Variants in CAMTA1 observed in about 807,000 individuals in gnomAD.
The protein encoded by CAMTA1 is calmodulin-binding transcription activator 1.
Under a neutral mutation model 170.9 loss-of-function variants are expected in CAMTA1, and 27 were observed. The observed-to-expected ratio is 0.16, with a 90% confidence interval of 0.12 to 0.22. The LOEUF (loss-of-function observed/expected upper bound fraction) is 0.22, where lower values mean the gene tolerates loss of function less well. CAMTA1 is among the 10% of genes least tolerant of loss of function. The pLI is 1.00. For missense variants in CAMTA1, 1,619 were observed against 2,217.2 expected (o/e 0.73, Z 5.42); for synonymous variants, 833 against 891.5 (o/e 0.93, Z 1.17).
In CAMTA1 at chr1:7,738,991, T is replaced by C. The variant is rs2096790827; in HGVS notation, c.4182+509T>C. Among the ~76,000 whole-genome samples the C allele has an allele frequency of 6.6e-6, 1 of 152,210 alleles. No individual in the cohort carries two copies. Among genetic ancestry groups the C allele is most frequent in the Admixed American group, 6.5e-5 (1 of 15,286 alleles). On this transcript the variant is annotated intron_variant, in intron 16 of 22. Coordinates refer to ENST00000303635, the MANE Select transcript of CAMTA1 (RefSeq NM_015215.4). This position sits in a 1 kb window ranked among gnomAD's most constrained non-coding sequence, Gnocchi z 4.9. The stretch of plus-strand genomic sequence containing the variant: ...AGCGAAATATTCCTGAAGCTGATAA[T>C]TGATTGCCCTTATAATAAATCTAAA...
chr1:7,207,660 G>T (rs1432651255), intron 4 of CAMTA1, among the ~76,000 whole-genome samples: 1 of 152,064 alleles, frequency 6.6e-6, no homozygotes, highest in Non-Finnish European at 1.5e-5. Flanking sequence ...GTCCAGTTGT[G>T]GCCTTGACTC....
chr1:7,132,938 AT>A (rs1374853293), intron 4 of CAMTA1, among the ~76,000 whole-genome samples: 3 of 152,126 alleles, frequency 2.0e-5, no homozygotes, highest in Non-Finnish European at 4.4e-5. Context: ...TTAAACCTAC[AT>A]TTTATCAGCC....
intron 4 of CAMTA1, among the ~76,000 whole-genome samples, chr1:7,131,285 A>G (rs1645237676): frequency 6.6e-6 from 1 of 152,124 alleles, no homozygotes; most frequent in Non-Finnish European, 1.5e-5. Context: ...TCATTTGAAG[A>G]GAAAAGGTTT....
chr1:7,722,304 G>A (rs1433504139), intron 11 of CAMTA1, among the ~76,000 whole-genome samples: 1 of 152,204 alleles, frequency 6.6e-6, no homozygotes, highest in Non-Finnish European at 1.5e-5. Context: ...TTTAAAGTGA[G>A]TCCCTTTGAA....
chr1:7,406,599 C>T (rs1231406682), intron 5 of CAMTA1, among the ~76,000 whole-genome samples: 2 of 151,886 alleles, frequency 1.3e-5, no homozygotes, highest in Admixed American at 6.6e-5. Context: ...CACAAGCACA[C>T]ACGGATGTAC....
At chr1:7,362,635 G>C (rs1188863615) in intron 5 of CAMTA1, among the ~76,000 whole-genome samples, 1 of 152,034 alleles carries the variant, frequency 6.6e-6, no homozygotes, top group African/African-American at 2.4e-5. Context: ...AATAGAGTGA[G>C]TGAACTTGGG....
intron 4 of CAMTA1, among the ~76,000 whole-genome samples, chr1:7,104,939 C>T (rs910734623): frequency 2.0e-5 from 3 of 152,146 alleles, no homozygotes; most frequent in Non-Finnish European, 4.4e-5. Flanking sequence ...AAAAATCTCT[C>T]CCTTCACTTT....
At position 7,299,754 on chromosome 1, in the gene CAMTA1, G is replaced by T. The variant is rs2149543881; in HGVS notation, c.438+50128G>T. The stretch of plus-strand genomic sequence containing the variant: ...AGGAGGTGTTCCAACCCCTCACTGA[G>T]ACAGGATTTCTAGCCCCTCTCTTTG... On this transcript the variant is annotated intron_variant, in intron 5 of 22. Transcript: ENST00000303635. This position sits in a 1 kb window ranked among gnomAD's most constrained non-coding sequence, Gnocchi z 4.7. Among the ~76,000 whole-genome samples, 1 of 152,354 alleles carries T rather than the reference G, an allele frequency of 6.6e-6. No individual in the cohort carries two copies. Among genetic ancestry groups the T allele is most frequent in the South Asian group, 2.1e-4 (1 of 4,828 alleles).
intron 3 of CAMTA1, among the ~76,000 whole-genome samples, chr1:6,930,650 G>T (rs1321865136): frequency 6.6e-6 from 1 of 152,182 alleles, no homozygotes; most frequent in Non-Finnish European, 1.5e-5. Flanking sequence ...TAACTGTGGG[G>T]TCTCTGAAGG....
rs138794691 is a variant in CAMTA1 at position 7,636,477 on chromosome 1, G to A, written c.511-3923G>A. 3.5e-3 allele frequency among the ~76,000 whole-genome samples: 538 copies of A among 152,288 alleles called. 2 individuals carry two copies. The highest frequency in any genetic ancestry group is 0.012 in the African/African-American group (516 of 41,568). On this transcript the variant is annotated intron_variant, in intron 6 of 22. Coordinates refer to ENST00000303635, the MANE Select transcript of CAMTA1 (RefSeq NM_015215.4). ...CACGCCTGTAATCCCAGCACTTTAGGAGGCCAAGGTGGGTGGATCACCTGA... is the reference window on the plus strand; with the variant it reads ...CACGCCTGTAATCCCAGCACTTTAGAAGGCCAAGGTGGGTGGATCACCTGA...
At chr1:7,273,237 T>G (rs1670112267) in intron 5 of CAMTA1, among the ~76,000 whole-genome samples, 1 of 152,164 alleles carries the variant, frequency 6.6e-6, no homozygotes, top group Admixed American at 6.5e-5. Flanking sequence ...ACCCAGCAAT[T>G]TCACTCATAG....
chr1:7,571,147 C>T (rs1413291827), intron 6 of CAMTA1, among the ~76,000 whole-genome samples: 1 of 152,144 alleles, frequency 6.6e-6, no homozygotes, highest in African/African-American at 2.4e-5. Flanking sequence ...ACTTTATTTC[C>T]CACAGTTATG....
At position 6,796,132 on chromosome 1, in the gene CAMTA1, C is replaced by CTT. The variant is rs978363793; in HGVS notation, c.45+10582_45+10583dup. On this transcript the variant is annotated intron_variant, in intron 1 of 22. Coordinates refer to ENST00000303635, the MANE Select transcript of CAMTA1 (RefSeq NM_015215.4). ...GCTCCTTTGTTATAAAATAGCATTTCTTTTTTTTTTTTTTTTTTTTTTTTT... is the reference window on the plus strand; with the variant it reads ...GCTCCTTTGTTATAAAATAGCATTTCTTTTTTTTTTTTTTTTTTTTTTTTTTT... Among the ~76,000 whole-genome samples, 259 of 70,978 alleles carry CTT rather than the reference C, an allele frequency of 3.6e-3. 40 individuals carry two copies. The highest frequency in any genetic ancestry group is 0.012 in the African/African-American group (199 of 17,086). The allele number at this position is 70,978 out of a possible 152,430, so 46.6% of individuals were successfully genotyped here.
intron 11 of CAMTA1, among the ~76,000 whole-genome samples, chr1:7,704,723 G>A (rs1412612005): frequency 6.8e-6 from 1 of 147,938 alleles, no homozygotes; most frequent in Non-Finnish European, 1.5e-5. Flanking sequence ...GGCAGTGGCG[G>A]GGAGACCGCG....
chr1:6,998,547 A>C (rs1361176832), intron 3 of CAMTA1, among the ~76,000 whole-genome samples: 1 of 151,972 alleles, frequency 6.6e-6, no homozygotes, highest in Non-Finnish European at 1.5e-5. Flanking sequence ...CCCCAGGGAG[A>C]CCTGCCCTCA....
intron 5 of CAMTA1, among the ~76,000 whole-genome samples, chr1:7,411,798 T>C (rs2090778462): frequency 6.6e-6 from 1 of 152,050 alleles, no homozygotes. Flanking sequence ...AGGGTACATG[T>C]GCACAATGTG....
intron 3 of CAMTA1, among the ~76,000 whole-genome samples, chr1:7,079,875 A>G (rs1639789217): frequency 6.6e-6 from 1 of 152,242 alleles, no homozygotes; most frequent in Admixed American, 6.5e-5. Context: ...AAGCTAGAAG[A>G]CAATGGAATG....
chr1:7,558,878 G>T (rs1248251922), intron 6 of CAMTA1, among the ~76,000 whole-genome samples: 2 of 152,262 alleles, frequency 1.3e-5, no homozygotes, highest in Non-Finnish European at 2.9e-5. Flanking sequence ...AATTTAATTG[G>T]ATTTTTTTAA....
At chr1:7,096,264 T>C (rs1403611590) in intron 4 of CAMTA1, among the ~76,000 whole-genome samples, 1 of 152,198 alleles carries the variant, frequency 6.6e-6, no homozygotes, top group African/African-American at 2.4e-5. Flanking sequence ...CCTGGTTTCC[T>C]GACCCCATCC....
Sources: allele counts gnomAD v4.1 joint callset (sites outside exome capture counted in the v4.1 genomes callset), GRCh38; gene constraint gnomAD v4.1.1; non-coding constraint Gnocchi (gnomAD v3.1); transcripts MANE v1.5; gene names NCBI Gene and HGNC (gene_info 2026-07-23, HGNC 2026-07-21).